PCDHA8: variants seen among roughly 807,000 people sequenced by gnomAD.
PCDHA8 encodes the protein protocadherin alpha 8.
Under a neutral mutation model 61.8 loss-of-function variants are expected in PCDHA8, and 53 were observed. The ratio of observed to expected loss-of-function variants is 0.86; its 90% CI spans 0.69 to 1.08. The LOEUF is 1.08. PCDHA8 is among the 50% of genes least tolerant of loss of function. The probability of loss-of-function intolerance (pLI) is 0.00; values close to 1 mark genes in which losing one functional copy is unlikely to be tolerated. For synonymous variants in PCDHA8, 618 were observed against 556.6 expected, an observed-to-expected ratio of 1.11 and a Z score of -1.55; for missense variants, 1,293 against 1,245.0, an observed-to-expected ratio of 1.04 and a Z score of -0.58.
At chr5:140,852,683 T>C (rs2042437090) in intron 1 of PCDHA8, 5 of 971,736 alleles carry the variant, frequency 5.1e-6, no homozygotes, top group Non-Finnish European at 6.2e-6. Flanking sequence ...ACCTTGAATA[T>C]AGTCTTATAC....
chr5:140,863,011 C>T (rs782711409), intron 1 of PCDHA8: 2 of 552,132 alleles, frequency 3.6e-6, no homozygotes, highest in Admixed American at 1.9e-5. Flanking sequence ...CCAGCTATGA[C>T]GCCTGGTTGT....
At chr5:140,998,274 T>C (rs2097804171) in intron 3 of PCDHA8, among the ~76,000 whole-genome samples, 1 of 152,162 alleles carries the variant, frequency 6.6e-6, no homozygotes, top group African/African-American at 2.4e-5. Flanking sequence ...CTGACACCCA[T>C]AGGATTAAAT....
Position 140,851,540 on chromosome 5 carries a change from T to C in PCDHA8, c.2394+7825T>C, listed in dbSNP as rs374686932. 3.9e-5 allele frequency: 35 copies of C among 908,070 alleles called. 3 individuals carry two copies. The East Asian group carries it at 1.2e-3, about 30-fold the overall frequency. 56.3% of individuals were successfully genotyped at this position (908,070 alleles called of 1,614,324 possible). A position where few individuals can be genotyped will look rare whatever the true frequency, so the allele number is the denominator to read the frequency against. On this transcript the variant is annotated intron_variant, in intron 1 of 3. Coordinates refer to ENST00000531613, the MANE Select transcript of PCDHA8 (RefSeq NM_018911.3). ...TTAAAATGCCTGACAATGTAGATAA[T>C]TCAAGAAATGTTGACTGAAATTTTG...
chr5:140,917,952 GA>G (rs1180047836), intron 1 of PCDHA8, among the ~76,000 whole-genome samples: 1 of 152,002 alleles, frequency 6.6e-6, no homozygotes, highest in Non-Finnish European at 1.5e-5. Flanking sequence ...AGTTTGATAG[GA>G]ACATCATTGA....
intron 1 of PCDHA8, among the ~76,000 whole-genome samples, chr5:140,974,516 T>G (rs533322332): frequency 2.0e-5 from 3 of 152,328 alleles, no homozygotes; most frequent in African/African-American, 7.2e-5. Context: ...TTTTATTTTA[T>G]TTTAGTTTTT....
intron 1 of PCDHA8, chr5:140,967,700 G>T: frequency 6.2e-7 from 1 of 1,614,196 alleles, no homozygotes; most frequent in Non-Finnish European, 8.5e-7. Context: ...CAGCATAGAT[G>T]CCAGTACCGG....
intron 1 of PCDHA8, chr5:140,861,891 C>T (rs2047126506): frequency 6.5e-6 from 1 of 154,838 alleles, no homozygotes; most frequent in African/African-American, 2.4e-5. Flanking sequence ...CTGACAGGCA[C>T]CAAAGCATTA....
Position 140,849,547 on chromosome 5 carries a change from C to G in PCDHA8, c.2394+5832C>G, listed in dbSNP as rs2150440099. On this transcript the variant is annotated intron_variant, in intron 1 of 3. Transcript: ENST00000531613. ...GTAAATGACAATGCTCCACAGTTGA[C>G]TATCAAAACGCTCTCGGTTCCTGTA... 5.0e-6 allele frequency: 8 copies of G among 1,598,384 alleles called. No individual in the cohort carries two copies. The South Asian group carries it at 8.8e-5, about 18-fold the overall frequency.
intron 1 of PCDHA8, chr5:140,862,416 C>A: frequency 2.8e-6 from 1 of 351,276 alleles, no homozygotes; most frequent in South Asian, 2.2e-5. Flanking sequence ...TCAAAAGGCG[C>A]TGCCCAGAAA....
rs1554139090 is a variant in PCDHA8, at chr5:140,842,481, G to T, written c.1160G>T (p.Cys387Phe). The change falls in exon 1 of 4, where the codon TGC becomes TTC. Residue 387 changes from cysteine (C) to phenylalanine (F), a missense_variant. By Grantham distance (205) the Cys-to-Phe change is radical (BLOSUM62 -2). Coordinates refer to ENST00000531613, the MANE Select transcript of PCDHA8 (RefSeq NM_018911.3). ...LDSGANGQVTCSLMPHVPFKL... is the reference protein window; with the variant it reads ...LDSGANGQVTFSLMPHVPFKL... ...TCAGGTGCCAACGGGCAGGTGACCT[G>T]CTCCCTGATGCCCCATGTCCCCTTC... 1 of 1,613,806 alleles carries T rather than the reference G, an allele frequency of 6.2e-7. No individual in the cohort carries two copies. Among genetic ancestry groups the T allele is most frequent in the East Asian group, 2.2e-5 (1 of 44,890 alleles).
rs1361440512 is a variant in PCDHA8, at chr5:140,875,201, G to A, written c.2394+31486G>A. 5.0e-5 allele frequency: 30 copies of A among 595,474 alleles called. No homozygotes were observed. The East Asian group carries it at 1.1e-3, about 21-fold the overall frequency. 36.9% of individuals were successfully genotyped at this position (595,474 alleles called of 1,614,324 possible). A position where few individuals can be genotyped will look rare whatever the true frequency, so the allele number is the denominator to read the frequency against. On this transcript the variant is annotated intron_variant, in intron 1 of 3. Coordinates refer to ENST00000531613, the MANE Select transcript of PCDHA8 (RefSeq NM_018911.3). ...AGAATTAAGAGTGACCCAGGAAGTG[G>A]CTAAACCGAAAAGAACCTCAGGATC... is the stretch of plus-strand genomic sequence containing the variant.
chr5:140,941,939 T>C (rs2153657014), intron 1 of PCDHA8, among the ~76,000 whole-genome samples: 1 of 152,358 alleles, frequency 6.6e-6, no homozygotes, highest in African/African-American at 2.4e-5. Context: ...TTTGAATTAC[T>C]TTTGTTTTGA....
intron 1 of PCDHA8, among the ~76,000 whole-genome samples, chr5:140,891,366 T>C (rs1261887556): frequency 6.6e-6 from 1 of 152,168 alleles, no homozygotes; most frequent in Non-Finnish European, 1.5e-5. Flanking sequence ...CTGAGCAGTA[T>C]ACATTGCACC....
intron 1 of PCDHA8, chr5:140,867,456 T>C (rs1035822606): frequency 1.3e-5 from 2 of 152,154 alleles, no homozygotes; most frequent in African/African-American, 4.8e-5. Context: ...AGAGTTCTAG[T>C]GTTATGACAA....
Position 140,879,462 on chromosome 5 carries a change from G to A in PCDHA8, c.2394+35747G>A, listed in dbSNP as rs927340529. 2.0e-5 allele frequency among the ~76,000 whole-genome samples: 3 copies of A among 152,180 alleles called. No individual in the cohort carries two copies. The South Asian group carries it at 6.2e-4, about 32-fold the overall frequency. ...AAAATGTTACTTTGAAGTCCTAAGAGAATACCGTTGTGATTGGAAATATGG... is the reference window on the plus strand; with the variant it reads ...AAAATGTTACTTTGAAGTCCTAAGAAAATACCGTTGTGATTGGAAATATGG... On this transcript the variant is annotated intron_variant, in intron 1 of 3. Coordinates refer to ENST00000531613, the MANE Select transcript of PCDHA8 (RefSeq NM_018911.3).
intron 1 of PCDHA8, among the ~76,000 whole-genome samples, chr5:140,962,957 C>T (rs915413264): frequency 1.3e-5 from 2 of 152,014 alleles, no homozygotes; most frequent in Non-Finnish European, 2.9e-5. Flanking sequence ...ATGCTCTATC[C>T]CTATATAGGA....
rs868991744 is a variant in PCDHA8, at chr5:140,897,794, G to C, written c.2394+54079G>C. ...CTTCCACAATGGTTGAACTAGTTTA[G>C]AGTCCCACCAACAGTGTAAAAGTGT... On this transcript the variant is annotated intron_variant, in intron 1 of 3. Coordinates refer to ENST00000531613, the MANE Select transcript of PCDHA8 (RefSeq NM_018911.3). 7.2e-4 allele frequency among the ~76,000 whole-genome samples: 109 copies of C among 152,066 alleles called. No homozygotes were observed. The South Asian group carries it at 0.011, about 15-fold the overall frequency.
At chr5:140,891,722 T>C (rs534881594) in intron 1 of PCDHA8, among the ~76,000 whole-genome samples, 1 of 152,292 alleles carries the variant, frequency 6.6e-6, no homozygotes, top group East Asian at 1.9e-4. Flanking sequence ...CAAATTCATG[T>C]GTTGAAAATT....
At chr5:140,862,209 A>C (rs2047255709) in intron 1 of PCDHA8, 2 of 201,904 alleles carry the variant, frequency 9.9e-6, no homozygotes, top group South Asian at 2.0e-4. Flanking sequence ...TGATCACTGC[A>C]CAGACTTGAT....
Sources: allele counts gnomAD v4.1 joint callset (sites outside exome capture counted in the v4.1 genomes callset), GRCh38; gene constraint gnomAD v4.1.1; transcripts MANE v1.5; gene names NCBI Gene and HGNC (gene_info 2026-07-23, HGNC 2026-07-21).